CADM1: variants seen among roughly 807,000 people sequenced by gnomAD.
CADM1 encodes TSLC-1.
In CADM1, 15 loss-of-function variants were observed where a neutral mutation model predicts 53.1. The ratio of observed to expected loss-of-function variants is 0.28; its 90% confidence interval spans 0.19 to 0.44. The LOEUF (loss-of-function observed/expected upper bound fraction) is 0.44, where lower values mean the gene tolerates loss of function less well. CADM1 is among the 20% of genes least tolerant of loss of function. The probability of loss-of-function intolerance (pLI) is 1.00; values close to 1 mark genes in which losing one functional copy is unlikely to be tolerated. For missense variants in CADM1, 434 were observed against 611.3 expected (o/e 0.71, Z 3.06); for synonymous variants, 281 against 243.0 (o/e 1.16, Z -1.45).
intron 1 of CADM1, among the ~76,000 whole-genome samples, chr11:115,328,898 G>A (rs925822096): frequency 2.7e-5 from 4 of 148,440 alleles, no homozygotes; most frequent in Non-Finnish European, 4.5e-5. Flanking sequence ...CTCTGTAGCC[G>A]GATGAGATTA....
At chr11:115,269,388 G>C (rs1232911358) in intron 1 of CADM1, among the ~76,000 whole-genome samples, 1 of 152,170 alleles carries the variant, frequency 6.6e-6, no homozygotes, top group Non-Finnish European at 1.5e-5. Context: ...TCAAACTGCA[G>C]CACGCTTCGA....
chr11:115,353,902 T>C (rs752880522), intron 1 of CADM1, among the ~76,000 whole-genome samples: 4 of 152,144 alleles, frequency 2.6e-5, no homozygotes, highest in Non-Finnish European at 5.9e-5. Flanking sequence ...TTGTTAGGTA[T>C]GTGAAAGGCA....
chr11:115,215,126 T>C (rs1591611834), intron 6 of CADM1, among the ~76,000 whole-genome samples: 1 of 152,194 alleles, frequency 6.6e-6, no homozygotes, highest in Non-Finnish European at 1.5e-5. Context: ...TAACATCTCA[T>C]TAATTAGGAA....
intron 1 of CADM1, among the ~76,000 whole-genome samples, chr11:115,404,327 GAAAAAA>G (rs1216372271): frequency 3.4e-4 from 2 of 5,832 alleles, no homozygotes; most frequent in African/African-American, 1.1e-3. Flanking sequence ...ATCTGTCTCG[GAAAAAA>G]AAAAAAAAAA....
At chr11:115,318,526 A>AG (rs1466806481) in intron 1 of CADM1, among the ~76,000 whole-genome samples, 2 of 152,204 alleles carry the variant, frequency 1.3e-5, no homozygotes, top group African/African-American at 4.8e-5. Flanking sequence ...TCTGGAGACT[A>AG]GGGAGATGTG....
At position 115,231,982 on chromosome 11, in the gene CADM1, G is replaced by A. The variant is rs190932569; in HGVS notation, c.425-492C>T. 4.6e-3 allele frequency among the ~76,000 whole-genome samples: 650 copies of A among 140,120 alleles called. 16 individuals carry two copies. The Admixed American group carries it at 0.047, about 10-fold the overall frequency. 91.9% of individuals were successfully genotyped at this position (140,120 alleles called of 152,430 possible). The stretch of plus-strand genomic sequence containing the variant: ...GCCTGGGCAACAAGAGCGAAACTCC[G>A]TCTCAATAATAATAATAATAATAAT... On this transcript the variant is annotated intron_variant, in intron 3 of 11. Coordinates refer to ENST00000331581, the MANE Select transcript of CADM1 (RefSeq NM_001301043.2).
At chr11:115,378,537 A>G (rs776182792) in intron 1 of CADM1, among the ~76,000 whole-genome samples, 12 of 152,182 alleles carry the variant, frequency 7.9e-5, no homozygotes, top group Admixed American at 5.2e-4. Flanking sequence ...TAAGAAAACT[A>G]AAATACAGTA....
chr11:115,451,901 G>C (rs1464079027), intron 1 of CADM1, among the ~76,000 whole-genome samples: 1 of 151,908 alleles, frequency 6.6e-6, no homozygotes, highest in East Asian at 1.9e-4. Context: ...AGAGTCAGGA[G>C]AGCATCTGGG....
At chr11:115,327,672 GA>G (rs1944995708) in intron 1 of CADM1, among the ~76,000 whole-genome samples, 1 of 152,104 alleles carries the variant, frequency 6.6e-6, no homozygotes. Flanking sequence ...GATGTGGACT[GA>G]ACTCTAGAAC....
chr11:115,458,204 C>A (rs192967200), intron 1 of CADM1, among the ~76,000 whole-genome samples: 3 of 151,966 alleles, frequency 2.0e-5, no homozygotes, highest in Admixed American at 1.3e-4. Context: ...TGAGGAACAA[C>A]GTAACTATAA....
intron 3 of CADM1, among the ~76,000 whole-genome samples, chr11:115,237,559 T>G (rs1942054667): frequency 6.6e-6 from 1 of 152,210 alleles, no homozygotes; most frequent in Non-Finnish European, 1.5e-5. Flanking sequence ...TTATCTTTCC[T>G]CTTTAATCTT....
intron 1 of CADM1, among the ~76,000 whole-genome samples, chr11:115,288,108 A>G (rs1420732240): frequency 6.6e-6 from 1 of 152,178 alleles, no homozygotes; most frequent in African/African-American, 2.4e-5. Context: ...AGCCAAGTGA[A>G]TATCTGTGAG....
chr11:115,504,334 GCGCCGCCGC>G lies in CADM1; in HGVS notation c.52_60del (p.Ala18_Ala20del). On this transcript the variant is annotated inframe_deletion, in exon 1 of 12. Coordinates refer to ENST00000331581, the MANE Select transcript of CADM1 (RefSeq NM_001301043.2). ...AGAAGCCGGAGCCGGAGCCCGGGAG[GCGCCGCCGC>G]CGCCGCTGCCGCCGCACACTGGGAT... The G allele has an allele frequency of 3.9e-6, 6 of 1,550,560 alleles. No homozygotes were observed. The highest frequency in any genetic ancestry group is 2.4e-5 in the South Asian group (2 of 84,084).
At chr11:115,315,624 G>T (rs1041263911) in intron 1 of CADM1, among the ~76,000 whole-genome samples, 1 of 149,992 alleles carries the variant, frequency 6.7e-6, no homozygotes. Context: ...TGCCTGTATC[G>T]TTGCCTTGGA....
intron 1 of CADM1, among the ~76,000 whole-genome samples, chr11:115,241,425 A>T (rs541036586): frequency 6.6e-6 from 1 of 152,336 alleles, no homozygotes; most frequent in South Asian, 2.1e-4. Flanking sequence ...TTACAGAACA[A>T]AAAGTGTGGT....
intron 1 of CADM1, among the ~76,000 whole-genome samples, chr11:115,479,562 T>C (rs934956295): frequency 1.3e-5 from 2 of 152,184 alleles, no homozygotes; most frequent in African/African-American, 4.8e-5. Context: ...TGATTTCCAA[T>C]AAATAACCCT....
intron 1 of CADM1, chr11:115,333,452 T>C (rs1945183667): frequency 6.6e-6 from 1 of 152,148 alleles, no homozygotes; most frequent in Non-Finnish European, 1.5e-5. Flanking sequence ...CTATAAAGCT[T>C]ATCTAGTGGT....
chr11:115,404,346 A>AAAAAAAATATATATAT (rs1947251974), intron 1 of CADM1, among the ~76,000 whole-genome samples: 2 of 33,792 alleles, frequency 5.9e-5, no homozygotes, highest in African/African-American at 2.7e-4. Flanking sequence ...AAAAAAAAAA[A>AAAAAAAATATATATAT]ATATATATAT....
intron 1 of CADM1, among the ~76,000 whole-genome samples, chr11:115,449,101 C>A (rs1411995409): frequency 2.0e-5 from 3 of 152,136 alleles, no homozygotes; most frequent in African/African-American, 7.2e-5. Context: ...AGCTAACCCC[C>A]ATCTTAAAAC....
Sources: allele counts gnomAD v4.1 joint callset (sites outside exome capture counted in the v4.1 genomes callset), GRCh38; gene constraint gnomAD v4.1.1; transcripts MANE v1.5; gene names NCBI Gene and HGNC (gene_info 2026-07-23, HGNC 2026-07-21).